Variants in PINLYP observed in about 807,000 individuals in gnomAD.
PINLYP encodes phospholipase A2 inhibitor and LY6/PLAUR domain containing.
A neutral mutation model predicts 15.8 loss-of-function variants in PINLYP; 12 were observed. That is an observed-to-expected ratio of 0.76 (90% CI 0.49 to 1.23). The LOEUF is 1.23. Among genes scored for constraint, PINLYP ranks in the 50% most tolerant of loss-of-function variants. The pLI, the probability that PINLYP is intolerant of heterozygous loss-of-function variation, is 0.00. For missense variants in PINLYP, 278 were observed against 264.2 expected, an observed-to-expected ratio of 1.05 and a Z score of -0.36; for synonymous variants, 93 against 97.7, an observed-to-expected ratio of 0.95 and a Z score of 0.28.
At chr19:43,581,904 C>T in exon 6 of PINLYP, 1 of 1,536,722 alleles carries the variant, frequency 6.5e-7, no homozygotes, top group Non-Finnish European at 8.7e-7. Context: ...CGGGGCTGTG[C>T]TACAGAGAGT....
exon 2 of PINLYP, chr19:43,577,244 G>C: frequency 6.5e-7 from 1 of 1,535,970 alleles, no homozygotes; most frequent in Admixed American, 2.0e-5. Context: ...GTGTTGCTCT[G>C]CACCCTCCTG....
intron 3 of PINLYP, 92 bp from the exon 4 acceptor site, chr19:43,581,119 TG>T: frequency 7.5e-7 from 1 of 1,328,194 alleles, no homozygotes; most frequent in South Asian, 1.5e-5. Context: ...GTTGTGGGGT[TG>T]GGGAGGCCTA....
At chr19:43,575,605 C>T (rs991596418), upstream of PINLYP, 15 of 702,564 alleles carry the variant, frequency 2.1e-5, no homozygotes, top group Non-Finnish European at 3.1e-5. Flanking sequence ...CCCCGGCGCG[C>T]CGGCGCCGGC....
chr19:43,579,359 C>T (rs1369231860), intron 3 of PINLYP, among the ~76,000 whole-genome samples: 1 of 152,016 alleles, frequency 6.6e-6, no homozygotes, highest in Non-Finnish European at 1.5e-5. Context: ...GATTCTCCTG[C>T]CTCAGCCTCC....
chr19:43,581,375 C>T lies in PINLYP; in HGVS notation c.340+11C>T, dbSNP rs1003524466. The stretch of plus-strand genomic sequence containing the variant: ...GTGCCTTTTTGTCTGGTAAGAAGCC[C>T]GTGGTGTGTGGTGTGTGCTCTGGCT... On this transcript the variant is annotated intron_variant, in intron 4 of 5. Transcript: ENST00000599207. The T allele has an allele frequency of 6.6e-5, 101 of 1,536,364 alleles. No individual in the cohort carries two copies. The highest frequency in any genetic ancestry group is 8.4e-5 in the Non-Finnish European group (96 of 1,146,858).
chr19:43,577,314 C>A, intron 2 of PINLYP, 53 bp downstream of exon 2: 1 of 1,500,412 alleles, frequency 6.7e-7, no homozygotes, highest in Non-Finnish European at 8.9e-7. Context: ...GAGAGAGGTC[C>A]CAGATTGAGA....
chr19:43,575,604 G>T (rs566262647), upstream of PINLYP: 53 of 696,534 alleles, frequency 7.6e-5, 1 homozygote, highest in Non-Finnish European at 1.1e-4. Flanking sequence ...ACCCCGGCGC[G>T]CCGGCGCCGG....
At chr19:43,579,123 A>T (rs936946008) in intron 3 of PINLYP, 1 of 227,674 alleles carries the variant, frequency 4.4e-6, no homozygotes, top group African/African-American at 2.3e-5. Context: ...AAGTGTAATC[A>T]GGGAAGAGGT....
In PINLYP at chr19:43,581,859, C is replaced by T. The variant is rs1248353137; in HGVS notation, c.482-9C>T. ...GGTCCCTGATTCCAGTCTGAAATCT[C>T]CCTTTCAGGTATTTTCAAACCCAGA... On this transcript the variant is annotated splice_polypyrimidine_tract_variant and intron_variant, in intron 5 of 5. Transcript: ENST00000599207. 1.0e-5 allele frequency: 16 copies of T among 1,536,702 alleles called. No homozygotes were observed. The East Asian group carries it at 3.7e-4, about 35-fold the overall frequency.
exon 1 of PINLYP, chr19:43,575,833 C>CG (rs1464069797): frequency 1.4e-4 from 28 of 205,018 alleles, no homozygotes; most frequent in African/African-American, 6.0e-4. Context: ...TCTCATTGCA[C>CG]GATGGAGTTA....
At chr19:43,575,530 G>A (rs1286600833), upstream of PINLYP, 4 of 1,523,668 alleles carry the variant, frequency 2.6e-6, no homozygotes, top group Admixed American at 3.6e-5. Context: ...GGGAGAGTGG[G>A]AGGGGGCGGG....
intron 3 of PINLYP, 143 bp downstream of exon 3, chr19:43,578,849 G>T (rs1255212355): frequency 1.6e-6 from 1 of 642,156 alleles, no homozygotes; most frequent in Non-Finnish European, 2.8e-6. Flanking sequence ...AAGAGGGAAA[G>T]ACCATCATGA....
Position 43,581,261 on chromosome 19 carries a change from C to CTGCT in PINLYP, c.238_241dup (p.Tyr81LeufsTer42). On this transcript the variant is annotated frameshift_variant, in exon 4 of 6. Transcript: ENST00000599207. LOFTEE classifies it high-confidence loss of function. ...ACAAGGGCTGCATCAGGTCCCAGGA[C>CTGCT]TGCTACTCCGGCGTTATATCCACCA... 5.2e-6 allele frequency: 8 copies of CTGCT among 1,537,164 alleles called. No individual in the cohort carries two copies. Among genetic ancestry groups the CTGCT allele is most frequent in the Non-Finnish European group, 7.0e-6 (8 of 1,146,962 alleles).
upstream of PINLYP, chr19:43,575,607 G>A (rs1568520905): frequency 5.6e-6 from 4 of 711,932 alleles, no homozygotes; most frequent in Admixed American, 3.4e-5. Context: ...CCGGCGCGCC[G>A]GCGCCGGCGT....
At position 43,578,565 on chromosome 19, in the gene PINLYP, GCCTCGC is replaced by G. The variant is rs1309953164; in HGVS notation, c.71-20_71-15del. Reference sequence around the variant, plus strand: ...GAAGACCACACCACCCATGACTACAGCCTCGCCCTCTGTCTACACTGCAGGGTGCCC... The same window carrying G: ...GAAGACCACACCACCCATGACTACAGCCTCTGTCTACACTGCAGGGTGCCC... On this transcript the variant is annotated intron_variant, in intron 2 of 5. Transcript: ENST00000599207. 1 of 1,516,914 alleles carries G rather than the reference GCCTCGC, an allele frequency of 6.6e-7. No homozygotes were observed. The highest frequency in any genetic ancestry group is 8.8e-7 in the Non-Finnish European group (1 of 1,130,682). 94.0% of individuals were successfully genotyped at this position (1,516,914 alleles called of 1,614,324 possible). A position where few individuals can be genotyped will look rare whatever the true frequency, so the allele number is the denominator to read the frequency against.
At chr19:43,578,102 G>A (rs1471846473) in intron 2 of PINLYP, among the ~76,000 whole-genome samples, 2 of 152,024 alleles carry the variant, frequency 1.3e-5, no homozygotes, top group Non-Finnish European at 2.9e-5. Flanking sequence ...AGAAGTTCAA[G>A]TCCTCTGCCC....
chr19:43,577,206 G>A (rs1176527249), exon 2 of PINLYP: 4 of 1,536,108 alleles, frequency 2.6e-6, no homozygotes, highest in South Asian at 1.2e-5. Flanking sequence ...GGCTCTCCAG[G>A]AGACCAGAGA....
chr19:43,581,613 G>T, exon 5 of PINLYP: 1 of 1,536,646 alleles, frequency 6.5e-7, no homozygotes, highest in Non-Finnish European at 8.7e-7. Flanking sequence ...CGCCTGCACT[G>T]CGAGCTTCAG....
exon 2 of PINLYP, chr19:43,577,254 G>A (rs1410582037): frequency 1.3e-6 from 2 of 1,535,842 alleles, no homozygotes; most frequent in East Asian, 4.9e-5. Context: ...GCACCCTCCT[G>A]GGTCTTGGTA....
Sources: gnomAD v4.1 joint callset for allele counts (sites outside exome capture counted in the v4.1 genomes callset) on GRCh38, gnomAD v4.1.1 for gene constraint, MANE v1.5 for transcripts, NCBI Gene and HGNC (gene_info 2026-07-23, HGNC 2026-07-21) for gene names.